Variants in ASIC4 observed in about 807,000 individuals in gnomAD.
ASIC4 encodes the protein acid-sensing ion channel 4.
A neutral mutation model predicts 53.4 loss-of-function variants in ASIC4; 28 were observed. The ratio of observed to expected loss-of-function variants is 0.52; its 90% CI spans 0.39 to 0.72. ASIC4 has a LOEUF of 0.72. Ranked by LOEUF, ASIC4 falls within the 30% of genes least tolerant of loss-of-function variation. ASIC4 has a pLI of 0.00. For synonymous variants in ASIC4, 289 were observed against 301.4 expected, an observed-to-expected ratio of 0.96 and a Z score of 0.43; for missense variants, 649 against 729.7, an observed-to-expected ratio of 0.89 and a Z score of 1.27.
chr2:219,534,058 A>AAAAG (rs1559119886), intron 5 of ASIC4: 1 of 149,260 alleles, frequency 6.7e-6, no homozygotes, highest in African/African-American at 2.5e-5. Context: ...AAAAAAAAAA[A>AAAAG]GAGGAGGGAG....
At chr2:219,534,101 G>A (rs1475134999) in intron 5 of ASIC4, 1 of 151,138 alleles carries the variant, frequency 6.6e-6, no homozygotes, top group Non-Finnish European at 1.5e-5. Flanking sequence ...CTGTGGCAAG[G>A]CAGGAATGCC....
rs938156716 is a variant in ASIC4 at position 219,537,194 on chromosome 2, G to T, written c.1321+37G>T. The T allele has an allele frequency of 6.2e-7, 1 of 1,612,344 alleles. No homozygotes were observed. The highest frequency in any genetic ancestry group is 1.7e-5 in the Admixed American group (1 of 59,972). ...GTCCCTGCCCCCAGCTTGTGTGGGG[G>T]TGGATCGGCCCGGCCGCTCCCTCTG... On this transcript the variant is annotated intron_variant, in intron 7 of 9. Transcript: ENST00000358078. The surrounding 1 kb of genome is among the most constrained non-coding windows in gnomAD (Gnocchi z 4.9).
chr2:219,517,032 G>T lies in ASIC4; in HGVS notation c.582+1726G>T, dbSNP rs567507446. On this transcript the variant is annotated intron_variant, in intron 1 of 9. Transcript: ENST00000358078. This position sits in a 1 kb window ranked among gnomAD's most constrained non-coding sequence, Gnocchi z 4.2. ...CACTCCGTATTGGGAGCTGGGCAGAGCTCAGTCTTAGCAGGTGCTGTTGGG... is the reference window on the plus strand; with the variant it reads ...CACTCCGTATTGGGAGCTGGGCAGATCTCAGTCTTAGCAGGTGCTGTTGGG... 31 of 152,412 alleles carry T rather than the reference G, an allele frequency of 2.0e-4. No individual in the cohort carries two copies. The highest frequency in any genetic ancestry group is 7.5e-4 in the African/African-American group (31 of 41,568). The allele number at this position is 152,412 out of a possible 1,614,324, so 9.4% of individuals were successfully genotyped here.
chr2:219,527,136 G>A (rs1434150714), intron 1 of ASIC4, among the ~76,000 whole-genome samples: 11 of 152,214 alleles, frequency 7.2e-5, no homozygotes, highest in Admixed American at 7.2e-4. Flanking sequence ...CGTCTCCATG[G>A]AAGAAGCTGT....
At position 219,536,034 on chromosome 2, in the gene ASIC4, A is replaced by G. The variant is rs890797757; in HGVS notation, c.1229+710A>G. On this transcript the variant is annotated intron_variant, in intron 6 of 9. Transcript: ENST00000358078. This position sits in a 1 kb window ranked among gnomAD's most constrained non-coding sequence, Gnocchi z 4.6. ...GTGATCTGCCGTCCTTGGTCTCCCA[A>G]AGTGCTGGGATTACAGGTGTGAGCC... Among the ~76,000 whole-genome samples, 1 of 152,094 alleles carries G rather than the reference A, an allele frequency of 6.6e-6. No homozygotes were observed. Among genetic ancestry groups the G allele is most frequent in the Non-Finnish European group, 1.5e-5 (1 of 68,016 alleles).
At chr2:219,507,898 T>TAG in the ASIC4 span, among the ~76,000 whole-genome samples, 2 of 152,116 alleles carry the variant, frequency 1.3e-5, no homozygotes, top group African/African-American at 4.8e-5. Flanking sequence ...CAGGGTTTCA[T>TAG]AGCTTCATAG....
chr2:219,513,183 G>A (rs919663231), upstream of ASIC4, among the ~76,000 whole-genome samples: 6 of 149,230 alleles, frequency 4.0e-5, no homozygotes, highest in South Asian at 4.2e-4. Context: ...ACCTCCCCCC[G>A]CCCGTCCACG....
chr2:219,531,940 ACTGGGGCCTGGGCCCTCTGC>A, intron 2 of ASIC4, 38 bp downstream of exon 2: 1 of 1,612,120 alleles, frequency 6.2e-7, no homozygotes, highest in Non-Finnish European at 8.5e-7. Context: ...CACCTTGGGG[ACTGGGGCCTGGGCCCTCTGC>A]CTGGGATGGG....
chr2:219,529,573 C>T (rs1412460488), intron 1 of ASIC4, among the ~76,000 whole-genome samples: 41 of 152,024 alleles, frequency 2.7e-4, no homozygotes. Flanking sequence ...GTAGGCTAGG[C>T]TTGGAGTGGG....
At chr2:219,508,524 C>T in the ASIC4 span, among the ~76,000 whole-genome samples, 2 of 151,948 alleles carry the variant, frequency 1.3e-5, no homozygotes, top group South Asian at 2.1e-4. Context: ...TTGTAACATG[C>T]CCCCGAGATT....
intron 4 of ASIC4, 84 bp from the exon 5 acceptor site, chr2:219,532,799 C>T: frequency 1.6e-6 from 2 of 1,256,222 alleles, no homozygotes; most frequent in Non-Finnish European, 2.3e-6. Context: ...TATGTGTGTG[C>T]ATGCATGTAT....
In ASIC4 at chr2:219,535,199, G is replaced by C; in HGVS notation, c.1104G>C (p.Pro368=). 6.2e-7 allele frequency: 1 copy of C among 1,613,884 alleles called. No homozygotes were observed. Among genetic ancestry groups the C allele is most frequent in the Middle Eastern group, 1.7e-4 (1 of 6,014 alleles). The change falls in exon 6 of 10, where the codon CCG becomes CCC. Residue 368 remains proline (P), a synonymous_variant. Transcript: ENST00000358078. ...CCCTGGGTGGGGGCCCTGAGGGCCC[G>C]TGCTTCTGCCCCACCCCCTGCAACC... ...LDSLGGGPEG[P]CFCPTPCNLT...
At chr2:219,514,279 G>C (rs574312074), upstream of ASIC4, 8 of 1,468,582 alleles carry the variant, frequency 5.4e-6, no homozygotes, top group South Asian at 1.4e-5. Context: ...CCTGACGCCC[G>C]TGCTGCCGGT....
chr2:219,509,791 G>A (rs1019899626), upstream of ASIC4, among the ~76,000 whole-genome samples: 3 of 152,022 alleles, frequency 2.0e-5, no homozygotes, highest in Non-Finnish European at 2.9e-5. The surrounding 1 kb of genome is among the most constrained non-coding windows in gnomAD (Gnocchi z 5.2). Context: ...CCACAGCCTG[G>A]GCACTACAAG....
upstream of ASIC4, among the ~76,000 whole-genome samples, chr2:219,512,779 G>C (rs1208236254): frequency 1.3e-5 from 2 of 152,270 alleles, no homozygotes; most frequent in African/African-American, 4.8e-5. Flanking sequence ...AGCTGACCCA[G>C]ACTCATTGGA....
Position 219,532,295 on chromosome 2 carries a change from A to T in ASIC4, c.856-20A>T. ...GGGTGGGATTCCTGAGCATGACCTC[A>T]TCATGCCCCACCTCTGCAGCTGACC... On this transcript the variant is annotated intron_variant, in intron 3 of 9. Coordinates refer to ENST00000358078, the MANE Select transcript of ASIC4 (RefSeq NM_018674.6). 6.2e-7 allele frequency: 1 copy of T among 1,604,530 alleles called. No individual in the cohort carries two copies. The highest frequency in any genetic ancestry group is 8.5e-7 in the Non-Finnish European group (1 of 1,172,234).
rs1695136864 is a variant in ASIC4 at position 219,536,383 on chromosome 2, G to A, written c.1230-683G>A. Among the ~76,000 whole-genome samples, 1 of 152,216 alleles carries A rather than the reference G, an allele frequency of 6.6e-6. No individual in the cohort carries two copies. The highest frequency in any genetic ancestry group is 1.5e-5 in the Non-Finnish European group (1 of 68,046). On this transcript the variant is annotated intron_variant, in intron 6 of 9. Coordinates refer to ENST00000358078, the MANE Select transcript of ASIC4 (RefSeq NM_018674.6). This position sits in a 1 kb window ranked among gnomAD's most constrained non-coding sequence, Gnocchi z 4.6. The stretch of plus-strand genomic sequence containing the variant: ...TCTACACTTGTGGAGCGTGGTCTGG[G>A]TGCCAGGCTCAGTGCTGGGTTCTGT...
Position 219,537,949 on chromosome 2 carries a change from G to T in ASIC4, c.1523G>T (p.Arg508Leu), listed in dbSNP as rs11689281. The part of the protein sequence containing the change: ...ELKEQSPCPS[R>L]GRVEGGGVSS... ...CTCCTGCAGAGTCCCTGCCCGAGCC[G>T]GGGCCGAGTGGAGGGTGGGGGGGTC... Residue 508 changes from arginine (R) to leucine (L), a missense_variant, in exon 10 of 10, where the codon CGG becomes CTG. Transcript: ENST00000358078. This position sits in a 1 kb window ranked among gnomAD's most constrained non-coding sequence, Gnocchi z 4.9. The T allele has an allele frequency of 0.53, 851,482 of 1,607,946 alleles. 230,780 individuals are homozygous for T. The highest frequency in any genetic ancestry group is 0.74 in the South Asian group (66,792 of 90,324).
chr2:219,514,265 G>A (rs1018868210), upstream of ASIC4: 3 of 1,453,650 alleles, frequency 2.1e-6, no homozygotes, highest in Non-Finnish European at 2.7e-6. Context: ...CCCCTGGCCT[G>A]GCTCCTGACG....
Sources: gnomAD v4.1 joint callset for allele counts (sites outside exome capture counted in the v4.1 genomes callset) on GRCh38, gnomAD v4.1.1 for gene constraint, Gnocchi (gnomAD v3.1) non-coding constraint, MANE v1.5 for transcripts, NCBI Gene and HGNC (gene_info 2026-07-23, HGNC 2026-07-21) for gene names.